DIP2B: variants seen among roughly 807,000 people sequenced by gnomAD.
DIP2B encodes DIP2 acetate--CoA ligase B (putative).
Under a neutral mutation model 198.0 loss-of-function variants are expected in DIP2B, and 76 were observed. The observed-to-expected ratio is 0.38, with a 90% CI of 0.32 to 0.46. The LOEUF (loss-of-function observed/expected upper bound fraction) is 0.46, where lower values mean the gene tolerates loss of function less well. Ranked by LOEUF, DIP2B falls within the 20% of genes least tolerant of loss-of-function variation. The pLI is 0.99. For missense variants in DIP2B, 1,559 were observed against 1,978.4 expected (o/e 0.79, Z 4.02); for synonymous variants, 701 against 739.1 (o/e 0.95, Z 0.84).
chr12:50,669,373 G>A (rs1938810318), intron 4 of DIP2B, among the ~76,000 whole-genome samples: 1 of 152,146 alleles, frequency 6.6e-6, no homozygotes, highest in South Asian at 2.1e-4. Flanking sequence ...ATAAGTTGGA[G>A]GTAGTACAGA....
In DIP2B at chr12:50,540,053, G is replaced by GTTTTTTTTTT. The variant is rs60978324; in HGVS notation, c.100+34833_100+34842dup. Among the ~76,000 whole-genome samples, 162 of 44,150 alleles carry GTTTTTTTTTT rather than the reference G, an allele frequency of 3.7e-3. 2 individuals are homozygous for GTTTTTTTTTT. Among genetic ancestry groups the GTTTTTTTTTT allele is most frequent in the Non-Finnish European group, 4.4e-3 (114 of 25,642 alleles). The allele number at this position is 44,150 out of a possible 152,430, so 29.0% of individuals were successfully genotyped here. A position where few individuals can be genotyped will look rare whatever the true frequency, so the allele number is the denominator to read the frequency against. On this transcript the variant is annotated intron_variant, in intron 1 of 37. Transcript: ENST00000301180. ...TGGCAGGTAGTTTAGTTGTTTCTGT[G>GTTTTTTTTTT]TTTTTTTTTTTTTTTTTTTTTTTTT...
intron 20 of DIP2B, 58 bp downstream of exon 20, chr12:50,704,278 T>G: frequency 1.3e-6 from 2 of 1,551,016 alleles, no homozygotes; most frequent in Non-Finnish European, 1.8e-6. Flanking sequence ...TGGACTTTAA[T>G]TCACAGAACA....
chr12:50,640,321 CCT>C (rs1328636079), intron 2 of DIP2B, among the ~76,000 whole-genome samples: 6 of 151,918 alleles, frequency 3.9e-5, no homozygotes, highest in Non-Finnish European at 4.4e-5. Context: ...GCATAATCAC[CCT>C]GTTTTTGCTT....
chr12:50,727,930 A>G, intron 29 of DIP2B, 118 bp downstream of exon 29: 1 of 769,886 alleles, frequency 1.3e-6, no homozygotes, highest in Non-Finnish European at 2.1e-6. Flanking sequence ...CAGAGTGAAG[A>G]TCTAAGTCGC....
At chr12:50,595,062 A>G (rs1958866663) in intron 1 of DIP2B, among the ~76,000 whole-genome samples, 1 of 152,212 alleles carries the variant, frequency 6.6e-6, no homozygotes, top group Non-Finnish European at 1.5e-5. Context: ...ATGTTTTAAA[A>G]ATGATTTTCA....
intron 1 of DIP2B, among the ~76,000 whole-genome samples, chr12:50,531,204 C>T (rs183156436): frequency 2.6e-5 from 4 of 152,284 alleles, no homozygotes; most frequent in South Asian, 4.1e-4. Context: ...TGTCACCACG[C>T]CTGGCTAATT....
At chr12:50,662,995 G>A (rs989508079) in intron 4 of DIP2B, among the ~76,000 whole-genome samples, 2 of 152,140 alleles carry the variant, frequency 1.3e-5, no homozygotes, top group Non-Finnish European at 2.9e-5. Flanking sequence ...TATAGTCCCA[G>A]CCACTCAGGA....
chr12:50,626,205 A>G (rs1158568940), intron 2 of DIP2B, among the ~76,000 whole-genome samples, 158 bp downstream of exon 2: 2 of 152,238 alleles, frequency 1.3e-5, no homozygotes, highest in Non-Finnish European at 2.9e-5. Context: ...ATGAATCTTA[A>G]TGAGCATCTG....
chr12:50,576,074 C>CTT (rs796750417), intron 1 of DIP2B, among the ~76,000 whole-genome samples: 2 of 141,158 alleles, frequency 1.4e-5, no homozygotes, highest in Non-Finnish European at 1.6e-5. Context: ...TTTTTTTTCA[C>CTT]TTTTTTTTTT....
chr12:50,612,709 G>A (rs1014818596), intron 1 of DIP2B, among the ~76,000 whole-genome samples: 2 of 152,158 alleles, frequency 1.3e-5, no homozygotes, highest in African/African-American at 2.4e-5. Flanking sequence ...GATTACAGGC[G>A]TGAGCCACCA....
chr12:50,716,531 A>AAACAG (rs1939720246), intron 23 of DIP2B, among the ~76,000 whole-genome samples: 2 of 151,816 alleles, frequency 1.3e-5, no homozygotes, highest in African/African-American at 2.4e-5. Flanking sequence ...CTGTCTCAAA[A>AAACAG]AACAAAACAA....
At chr12:50,557,554 CAA>C (rs1480814046) in intron 1 of DIP2B, among the ~76,000 whole-genome samples, 2 of 152,200 alleles carry the variant, frequency 1.3e-5, no homozygotes, top group African/African-American at 2.4e-5. Flanking sequence ...AGGACATCTA[CAA>C]AGAGTGGATG....
intron 1 of DIP2B, among the ~76,000 whole-genome samples, chr12:50,537,702 A>G (rs1309828244): frequency 6.6e-6 from 1 of 152,164 alleles, no homozygotes; most frequent in East Asian, 1.9e-4. Flanking sequence ...AAATGAAGCT[A>G]ATGAGGAATG....
intron 4 of DIP2B, among the ~76,000 whole-genome samples, chr12:50,666,040 T>G (rs767903402): frequency 7.9e-5 from 12 of 152,216 alleles, no homozygotes; most frequent in Non-Finnish European, 8.8e-5. Flanking sequence ...TGTGCTCTAA[T>G]TAATAGAGTC....
At chr12:50,660,423 G>A (rs1340235552) in intron 4 of DIP2B, 104 bp downstream of exon 4, 6 of 1,285,032 alleles carry the variant, frequency 4.7e-6, no homozygotes, top group Middle Eastern at 2.0e-4. Flanking sequence ...TCTTCTCCCC[G>A]CCATTAGAGG....
intron 1 of DIP2B, among the ~76,000 whole-genome samples, chr12:50,584,262 C>T (rs1239173687): frequency 1.3e-5 from 2 of 152,236 alleles, no homozygotes; most frequent in Admixed American, 6.5e-5. Flanking sequence ...CTTTTTCCCC[C>T]TAGTCCTTTT....
chr12:50,741,264 G>T, intron 36 of DIP2B, 152 bp from the exon 37 acceptor site: 1 of 808,768 alleles, frequency 1.2e-6, no homozygotes, highest in East Asian at 2.8e-5. Flanking sequence ...GGAGCAGCAG[G>T]ATTCAGAGCC....
At chr12:50,594,160 T>A (rs1436033516) in intron 1 of DIP2B, among the ~76,000 whole-genome samples, 2 of 151,162 alleles carry the variant, frequency 1.3e-5, no homozygotes, top group African/African-American at 4.9e-5. Context: ...GCTGGGCTGG[T>A]CTCGAATTCC....
At position 50,699,117 on chromosome 12, in the gene DIP2B, A is replaced by G. The variant is rs760441938; in HGVS notation, c.2240A>G (p.Asp747Gly). ...GGACCTCCCCAGCTCTGCAAAACAG[A>G]TGAAATTGGAGAAATCTGTGTTAGC... is the stretch of plus-strand genomic sequence containing the variant. ...PDGPPQLCKT[D>G]EIGEICVSSR... Residue 747 changes from aspartate to glycine, a missense_variant, in exon 19 of 38, where the codon GAT becomes GGT. By Grantham distance (94) the Asp-to-Gly change is moderately conservative. Transcript: ENST00000301180. The G allele has an allele frequency of 6.2e-7, 1 of 1,614,212 alleles. No homozygotes were observed. Among genetic ancestry groups the G allele is most frequent in the Admixed American group, 1.7e-5 (1 of 60,022 alleles).
Sources: gnomAD v4.1 joint callset for allele counts (sites outside exome capture counted in the v4.1 genomes callset) on GRCh38, gnomAD v4.1.1 for gene constraint, MANE v1.5 for transcripts, NCBI Gene and HGNC (gene_info 2026-07-23, HGNC 2026-07-21) for gene names.